Variants in NEGR1 observed in about 807,000 individuals in gnomAD.
NEGR1 encodes the protein IgLON family member 4.
NEGR1 carries 10 observed loss-of-function variants against 40.9 expected under a neutral mutation model. The observed-to-expected ratio is 0.24, with a 90% confidence interval of 0.15 to 0.42. NEGR1 has a LOEUF of 0.42. Among genes scored for constraint, NEGR1 ranks in the 10% least tolerant of loss-of-function variants. The pLI is 1.00. For synonymous variants in NEGR1, 185 were observed against 166.8 expected (o/e 1.11, Z -0.84); for missense variants, 352 against 438.9 (o/e 0.80, Z 1.77).
At chr1:71,925,153 CA>C (rs1205134313) in intron 2 of NEGR1, among the ~76,000 whole-genome samples, 1 of 152,150 alleles carries the variant, frequency 6.6e-6, no homozygotes, top group Non-Finnish European at 1.5e-5. Context: ...TTGGAGTCCA[CA>C]AATAGATTTA....
chr1:71,904,059 A>G (rs151274199), intron 2 of NEGR1, among the ~76,000 whole-genome samples: 34 of 152,084 alleles, frequency 2.2e-4, no homozygotes, highest in African/African-American at 7.9e-4. Flanking sequence ...GTTACATATT[A>G]TATTAAAATC....
chr1:71,672,866 C>T (rs1442878774), intron 4 of NEGR1, among the ~76,000 whole-genome samples: 1 of 152,098 alleles, frequency 6.6e-6, no homozygotes, highest in Non-Finnish European at 1.5e-5. Flanking sequence ...TTAATGGAAT[C>T]CAGCACACAA....
chr1:72,275,304 T>A, intron 1 of NEGR1: 1 of 434,576 alleles, frequency 2.3e-6, no homozygotes, highest in South Asian at 3.3e-5. Flanking sequence ...TAAAACTCAA[T>A]TTGATAATGA....
intron 2 of NEGR1, among the ~76,000 whole-genome samples, chr1:71,784,761 G>C (rs919636350): frequency 2.0e-5 from 3 of 152,166 alleles, no homozygotes; most frequent in African/African-American, 7.2e-5. Context: ...ATTTTCAGTA[G>C]CAAATAAAAA....
chr1:71,644,525 G>A (rs1402308979), intron 4 of NEGR1, among the ~76,000 whole-genome samples: 1 of 151,846 alleles, frequency 6.6e-6, no homozygotes, highest in Non-Finnish European at 1.5e-5. Flanking sequence ...TGAAGCCAGG[G>A]TCTGCTTTAT....
intron 1 of NEGR1, among the ~76,000 whole-genome samples, chr1:72,177,765 T>C (rs1361952398): frequency 8.5e-6 from 1 of 117,714 alleles, no homozygotes; most frequent in African/African-American, 3.5e-5. Context: ...ACATATTTTG[T>C]TTTTGTTTTT....
chr1:71,505,097 C>T (rs1647023276), intron 6 of NEGR1, among the ~76,000 whole-genome samples: 2 of 152,090 alleles, frequency 1.3e-5, no homozygotes. Context: ...AGGTCTCCAA[C>T]CGTTAATAAA....
chr1:72,092,130 G>C (rs566044424), intron 1 of NEGR1, among the ~76,000 whole-genome samples: 6 of 152,062 alleles, frequency 3.9e-5, no homozygotes, highest in African/African-American at 1.4e-4. Flanking sequence ...GGGTGGGTGG[G>C]TTCTCTGTTT....
At chr1:71,765,891 C>T (rs1180446621) in intron 3 of NEGR1, among the ~76,000 whole-genome samples, 1 of 151,882 alleles carries the variant, frequency 6.6e-6, no homozygotes, top group Non-Finnish European at 1.5e-5. Context: ...AAATAAGAGA[C>T]CTGGCCAGGC....
intron 6 of NEGR1, among the ~76,000 whole-genome samples, chr1:71,558,398 C>T (rs992473506): frequency 1.3e-5 from 2 of 151,522 alleles, no homozygotes; most frequent in Non-Finnish European, 3.0e-5. Flanking sequence ...TATCATTATA[C>T]GTCAGCAAAT....
intron 3 of NEGR1, among the ~76,000 whole-genome samples, chr1:71,755,579 G>A (rs1361715829): frequency 6.6e-6 from 1 of 152,066 alleles, no homozygotes; most frequent in Non-Finnish European, 1.5e-5. Flanking sequence ...CTCTCAGTTT[G>A]TCCCATGCCC....
At chr1:72,221,739 A>G (rs887196540) in intron 1 of NEGR1, among the ~76,000 whole-genome samples, 1 of 152,102 alleles carries the variant, frequency 6.6e-6, no homozygotes, top group African/African-American at 2.4e-5. Flanking sequence ...TCTTTATTGG[A>G]TCATTCAGTC....
chr1:71,440,563 C>A (rs758757659), intron 6 of NEGR1, among the ~76,000 whole-genome samples: 24 of 152,186 alleles, frequency 1.6e-4, no homozygotes, highest in Non-Finnish European at 3.2e-4. Context: ...GATAAGGATT[C>A]TATTCAGGAA....
intron 1 of NEGR1, among the ~76,000 whole-genome samples, chr1:71,959,510 T>C (rs1377050026): frequency 6.6e-6 from 1 of 152,154 alleles, no homozygotes; most frequent in Non-Finnish European, 1.5e-5. Context: ...AAAACATGCA[T>C]GATAAATTGT....
In NEGR1 at chr1:71,629,197, C is replaced by T. The variant is rs141629748; in HGVS notation, c.668-18051G>A. On this transcript the variant is annotated intron_variant, in intron 4 of 6. Transcript: ENST00000357731. ...CTTTTTTTCATATGTTTGTTGGCCA[C>T]GTAAATGTCTTCTTTTTAAGAAGTG... Among the ~76,000 whole-genome samples, 393 of 151,846 alleles carry T rather than the reference C, an allele frequency of 2.6e-3. 1 individual carries two copies. Among genetic ancestry groups the T allele is most frequent in the African/African-American group, 8.3e-3 (343 of 41,394 alleles).
intron 4 of NEGR1, among the ~76,000 whole-genome samples, chr1:71,648,593 C>T (rs1651609673): frequency 1.3e-5 from 2 of 151,896 alleles, no homozygotes; most frequent in South Asian, 2.1e-4. Flanking sequence ...CAAGATGAGA[C>T]CCTAGGCAAA....
intron 1 of NEGR1, among the ~76,000 whole-genome samples, chr1:72,139,149 C>G (rs1570027520): frequency 6.8e-6 from 1 of 147,740 alleles, no homozygotes; most frequent in Non-Finnish European, 1.5e-5. Context: ...GTGGCTAGAG[C>G]AGTATTTAGG....
At chr1:71,852,363 C>G (rs1441728965) in intron 2 of NEGR1, among the ~76,000 whole-genome samples, 1 of 152,066 alleles carries the variant, frequency 6.6e-6, no homozygotes, top group Non-Finnish European at 1.5e-5. Flanking sequence ...TTTGGCCACA[C>G]AGTGTCTTAA....
intron 3 of NEGR1, among the ~76,000 whole-genome samples, chr1:71,704,066 A>T (rs1399826059): frequency 6.6e-6 from 1 of 151,946 alleles, no homozygotes; most frequent in Non-Finnish European, 1.5e-5. Context: ...TAAAATACAC[A>T]TTTTACACTA....
Sources: gnomAD v4.1 joint callset for allele counts (sites outside exome capture counted in the v4.1 genomes callset) on GRCh38, gnomAD v4.1.1 for gene constraint, MANE v1.5 for transcripts, NCBI Gene and HGNC (gene_info 2026-07-23, HGNC 2026-07-21) for gene names.